CTNNA2: variants seen among roughly 807,000 people sequenced by gnomAD.
The protein encoded by CTNNA2 is catenin alpha-2.
CTNNA2 carries 42 observed loss-of-function variants against 101.0 expected under a neutral mutation model. That is an observed-to-expected ratio of 0.42 (90% confidence interval 0.32 to 0.54). The LOEUF (loss-of-function observed/expected upper bound fraction) is 0.54. Among genes scored for constraint, CTNNA2 ranks in the 20% least tolerant of loss-of-function variants. The pLI is 0.14. For missense variants in CTNNA2, 871 were observed against 1,223.1 expected, an observed-to-expected ratio of 0.71 and a Z score of 4.29; for synonymous variants, 450 against 456.4, an observed-to-expected ratio of 0.99 and a Z score of 0.18.
At chr2:79,859,388 A>C (rs1302318552) in intron 4 of CTNNA2, among the ~76,000 whole-genome samples, 2 of 152,126 alleles carry the variant, frequency 1.3e-5, no homozygotes. Context: ...AATCATAACT[A>C]TTCTCTGTCA....
intron 9 of CTNNA2, among the ~76,000 whole-genome samples, chr2:80,469,236 C>T (rs1685096148): frequency 6.6e-6 from 1 of 152,150 alleles, no homozygotes; most frequent in Admixed American, 6.5e-5. Flanking sequence ...TCTATTCTGT[C>T]TTAGAAATAT....
intron 7 of CTNNA2, among the ~76,000 whole-genome samples, chr2:79,953,120 G>T (rs2974134): frequency 6.6e-6 from 1 of 151,898 alleles, no homozygotes; most frequent in Non-Finnish European, 1.5e-5. Flanking sequence ...TTCTGCTGAC[G>T]TTCAATTCTC....
chr2:80,522,940 G>C (rs1189661852), intron 9 of CTNNA2, among the ~76,000 whole-genome samples: 1 of 152,200 alleles, frequency 6.6e-6, no homozygotes, highest in African/African-American at 2.4e-5. Context: ...ACGGGGTCCT[G>C]TGGTGCATAT....
At chr2:79,646,028 G>T (rs1315360411) in intron 1 of CTNNA2, among the ~76,000 whole-genome samples, 1 of 152,168 alleles carries the variant, frequency 6.6e-6, no homozygotes, top group Admixed American at 6.5e-5. Flanking sequence ...TCTGAAGCTG[G>T]AGTTCCATGG....
chr2:79,406,799 A>C (rs1678346390), intron 4 of CTNNA2, among the ~76,000 whole-genome samples: 1 of 151,976 alleles, frequency 6.6e-6, no homozygotes, highest in South Asian at 2.1e-4. Context: ...AAGCAGAGGA[A>C]ACACAGCCAT....
chr2:80,256,462 C>T (rs1469712041), intron 7 of CTNNA2, among the ~76,000 whole-genome samples: 2 of 152,138 alleles, frequency 1.3e-5, no homozygotes, highest in East Asian at 1.9e-4. Flanking sequence ...AAAATAACCT[C>T]TCTTTTCCAG....
chr2:80,619,518 C>T (rs978968571), intron 18 of CTNNA2, among the ~76,000 whole-genome samples: 1 of 151,866 alleles, frequency 6.6e-6, no homozygotes, highest in Admixed American at 6.6e-5. Flanking sequence ...TGGAATGAAT[C>T]CATTCTATAG....
chr2:80,258,742 CAT>C (rs1672367211), intron 7 of CTNNA2, among the ~76,000 whole-genome samples: 1 of 152,170 alleles, frequency 6.6e-6, no homozygotes, highest in African/African-American at 2.4e-5. Flanking sequence ...AAGGAACTCA[CAT>C]GTTAGACACA....
At chr2:80,349,960 A>G (rs1025282830) in intron 7 of CTNNA2, among the ~76,000 whole-genome samples, 1 of 152,162 alleles carries the variant, frequency 6.6e-6, no homozygotes, top group African/African-American at 2.4e-5. Context: ...GCTGATTTTC[A>G]TACAGTCTAT....
At chr2:79,502,028 A>C (rs1204648391) in intron 4 of CTNNA2, among the ~76,000 whole-genome samples, 1 of 149,512 alleles carries the variant, frequency 6.7e-6, no homozygotes, top group East Asian at 2.0e-4. Flanking sequence ...AGTTACTTTC[A>C]AGTGGATGCC....
chr2:79,854,520 C>A (rs1680976506), intron 3 of CTNNA2, among the ~76,000 whole-genome samples: 1 of 152,194 alleles, frequency 6.6e-6, no homozygotes, highest in South Asian at 2.1e-4. Context: ...GAGATCTGAA[C>A]CCAGGTCAAT....
chr2:80,165,020 G>A (rs959718249), intron 7 of CTNNA2, among the ~76,000 whole-genome samples: 72 of 150,666 alleles, frequency 4.8e-4, no homozygotes, highest in African/African-American at 1.7e-3. Context: ...CCTTAATAGG[G>A]ATTTCTTTCA....
intron 1 of CTNNA2, among the ~76,000 whole-genome samples, chr2:79,192,302 C>G (rs917749141): frequency 5.3e-5 from 8 of 152,136 alleles, no homozygotes; most frequent in African/African-American, 1.7e-4. Flanking sequence ...ATGCTTTGTG[C>G]TGCATATTGT....
At chr2:80,307,285 A>G (rs1411116455) in intron 7 of CTNNA2, among the ~76,000 whole-genome samples, 3 of 152,060 alleles carry the variant, frequency 2.0e-5, no homozygotes, top group African/African-American at 7.2e-5. Context: ...CCAATTTATT[A>G]TGTATTTAAA....
intron 5 of CTNNA2, among the ~76,000 whole-genome samples, chr2:79,507,361 T>A (rs1236681536): frequency 6.6e-6 from 1 of 152,126 alleles, no homozygotes; most frequent in Non-Finnish European, 1.5e-5. Flanking sequence ...AGGTCATGAA[T>A]GGATTAATGC....
chr2:79,441,252 T>G (rs1006773744), intron 4 of CTNNA2, among the ~76,000 whole-genome samples: 2 of 152,224 alleles, frequency 1.3e-5, no homozygotes, highest in African/African-American at 2.4e-5. Context: ...CAACTATAAC[T>G]TATGTACCAC....
In CTNNA2 at chr2:79,657,923, G is replaced by A. The variant is rs763540519; in HGVS notation, c.102+6265G>A. Among the ~76,000 whole-genome samples, 24 of 151,634 alleles carry A rather than the reference G, an allele frequency of 1.6e-4. No homozygotes were observed. The East Asian group carries it at 4.1e-3, about 26-fold the overall frequency. On this transcript the variant is annotated intron_variant, in intron 2 of 18. Coordinates refer to ENST00000402739, the MANE Select transcript of CTNNA2 (RefSeq NM_001282597.3). ...TCAATCTTTTAAAATAATGTACCAC[G>A]TAAATTTTGGAAAAGGACTAATAAA...
At chr2:80,366,621 A>G (rs1279939825) in intron 7 of CTNNA2, among the ~76,000 whole-genome samples, 2 of 152,120 alleles carry the variant, frequency 1.3e-5, no homozygotes, top group African/African-American at 4.8e-5. Flanking sequence ...TCCACCAGAT[A>G]TTGGATCAGC....
chr2:79,568,973 G>T (rs1390815651), intron 1 of CTNNA2, among the ~76,000 whole-genome samples: 2 of 151,568 alleles, frequency 1.3e-5, no homozygotes, highest in African/African-American at 4.9e-5. Flanking sequence ...AGTAAAGGTT[G>T]CAGTGAGGTG....
Sources: gnomAD v4.1 joint callset for allele counts (sites outside exome capture counted in the v4.1 genomes callset) on GRCh38, gnomAD v4.1.1 for gene constraint, MANE v1.5 for transcripts, NCBI Gene and HGNC (gene_info 2026-07-23, HGNC 2026-07-21) for gene names.